The following NEK1 variants were observed in gnomAD, a reference collection of about 807,000 sequenced individuals.
NEK1 encodes the protein serine/threonine-protein kinase Nek1.
Under a neutral mutation model 182.1 loss-of-function variants are expected in NEK1, and 137 were observed. That is an observed-to-expected ratio of 0.75 (90% CI 0.65 to 0.87). The LOEUF (loss-of-function observed/expected upper bound fraction) is 0.87, where lower values mean the gene tolerates loss of function less well. NEK1 is among the 40% of genes least tolerant of loss of function. NEK1 has a pLI of 0.00. For missense variants in NEK1, 1,391 were observed against 1,494.4 expected (o/e 0.93, Z 1.14); for synonymous variants, 513 against 492.2 (o/e 1.04, Z -0.56).
At chr4:169,534,862 G>GA (rs1329423402) in intron 19 of NEK1, among the ~76,000 whole-genome samples, 10 of 152,022 alleles carry the variant, frequency 6.6e-5, no homozygotes, top group Non-Finnish European at 1.0e-4. Context: ...CTAATTAGGG[G>GA]AAAAAATCAA....
chr4:169,580,810 A>G (rs371914162), intron 11 of NEK1, 32 bp downstream of exon 11: 11 of 1,331,504 alleles, frequency 8.3e-6, no homozygotes, highest in African/African-American at 7.3e-5. Context: ...TATTGCAAAC[A>G]GATGAAAGGC....
chr4:169,495,811 T>C (rs895188348), intron 23 of NEK1, among the ~76,000 whole-genome samples: 5 of 152,192 alleles, frequency 3.3e-5, no homozygotes, highest in Admixed American at 2.0e-4. Flanking sequence ...TGTAGCCTTG[T>C]AGTATAGTTT....
At chr4:169,489,268 G>C (rs763554910) in intron 23 of NEK1, among the ~76,000 whole-genome samples, 6 of 152,136 alleles carry the variant, frequency 3.9e-5, no homozygotes, top group Non-Finnish European at 8.8e-5. Flanking sequence ...ACTATAGAGG[G>C]GCGGAGGGAG....
chr4:169,490,146 C>T (rs923685806), intron 23 of NEK1, among the ~76,000 whole-genome samples: 4 of 152,172 alleles, frequency 2.6e-5, no homozygotes, highest in Non-Finnish European at 5.9e-5. Flanking sequence ...CACACTCCTA[C>T]AGTCATGGCT....
chr4:169,502,119 T>C (rs1053760079), intron 23 of NEK1, among the ~76,000 whole-genome samples: 1 of 151,732 alleles, frequency 6.6e-6, no homozygotes, highest in South Asian at 2.1e-4. Context: ...AACATCCCCA[T>C]GTGCACATAC....
chr4:169,421,010 GA>G lies in NEK1; in HGVS notation c.3222+3542del, dbSNP rs1213331205. On this transcript the variant is annotated intron_variant, in intron 31 of 35. Coordinates refer to ENST00000507142, the MANE Select transcript of NEK1 (RefSeq NM_001199397.3). ...AAAATGTTTGGTTAAGAGCAGTAAA[GA>G]ATGTATATATACCATATAAAGATTA... Among the ~76,000 whole-genome samples, 3 of 152,256 alleles carry G rather than the reference GA, an allele frequency of 2.0e-5. No homozygotes were observed. In the East Asian group the frequency reaches 5.8e-4, roughly 29 times the overall value.
At chr4:169,590,855 A>T in intron 5 of NEK1, 46 bp from the exon 6 acceptor site, 1 of 1,224,490 alleles carries the variant, frequency 8.2e-7, no homozygotes, top group Non-Finnish European at 1.2e-6. Flanking sequence ...TGACCATTAA[A>T]AGAATTCAAG....
chr4:169,400,920 TAAA>T (rs35743529), intron 33 of NEK1, among the ~76,000 whole-genome samples: 1 of 146,460 alleles, frequency 6.8e-6, no homozygotes, highest in Non-Finnish European at 1.5e-5. Context: ...GTTACTTAAA[TAAA>T]AAAAAAAAAG....
intron 2 of NEK1, among the ~76,000 whole-genome samples, chr4:169,605,063 G>GTA (rs1291467041): frequency 1.3e-5 from 2 of 152,078 alleles, no homozygotes; most frequent in Admixed American, 6.5e-5. Context: ...ACTCATCTTA[G>GTA]TAATCTAAAT....
chr4:169,582,687 A>G (rs1041235201), intron 10 of NEK1, among the ~76,000 whole-genome samples: 3 of 152,176 alleles, frequency 2.0e-5, no homozygotes, highest in African/African-American at 7.2e-5. Flanking sequence ...GATGGGGCAT[A>G]TAGAATCCAA....
At chr4:169,551,309 A>C (rs1335506401) in intron 18 of NEK1, among the ~76,000 whole-genome samples, 5 of 152,208 alleles carry the variant, frequency 3.3e-5, no homozygotes, top group Non-Finnish European at 7.4e-5. Context: ...AAAACTTAGT[A>C]ATATTTCTTT....
intron 12 of NEK1, 99 bp from the exon 13 acceptor site, chr4:169,562,295 C>A: frequency 6.7e-6 from 5 of 741,884 alleles, no homozygotes; most frequent in Admixed American, 3.0e-5. Flanking sequence ...AAGGTAAAGT[C>A]AATACTTCCA....
At chr4:169,468,832 C>T (rs1285034847) in intron 26 of NEK1, among the ~76,000 whole-genome samples, 1 of 152,090 alleles carries the variant, frequency 6.6e-6, no homozygotes, top group East Asian at 1.9e-4. Flanking sequence ...CGACTTCTTC[C>T]TAGTTTAGTC....
intron 19 of NEK1, among the ~76,000 whole-genome samples, chr4:169,527,458 A>G (rs1294859929): frequency 1.3e-5 from 2 of 152,196 alleles, no homozygotes; most frequent in Non-Finnish European, 2.9e-5. Context: ...AAGAAAAGGT[A>G]TAACATTTCC....
At chr4:169,475,281 C>T (rs1746736402) in intron 26 of NEK1, among the ~76,000 whole-genome samples, 1 of 152,136 alleles carries the variant, frequency 6.6e-6, no homozygotes, top group African/African-American at 2.4e-5. Context: ...TTACAGAGAA[C>T]ACAAGACATG....
chr4:169,420,110 T>C (rs896610357), intron 31 of NEK1, among the ~76,000 whole-genome samples: 4 of 152,214 alleles, frequency 2.6e-5, no homozygotes, highest in African/African-American at 4.8e-5. Flanking sequence ...ACTGTAACCT[T>C]TTCACTTTAT....
At chr4:169,436,028 C>T (rs1381018907) in intron 28 of NEK1, among the ~76,000 whole-genome samples, 1 of 152,184 alleles carries the variant, frequency 6.6e-6, no homozygotes, top group Non-Finnish European at 1.5e-5. Context: ...CTCAGCCTCC[C>T]TAGCAGCTGG....
At chr4:169,494,560 G>A (rs571087048) in intron 23 of NEK1, among the ~76,000 whole-genome samples, 1 of 152,230 alleles carries the variant, frequency 6.6e-6, no homozygotes, top group South Asian at 2.1e-4. Flanking sequence ...ATAAACATAC[G>A]TGTGCTTGTG....
Position 169,437,788 on chromosome 4 carries a change from T to G in NEK1, c.2764+295A>C, listed in dbSNP as rs536022565. On this transcript the variant is annotated intron_variant, in intron 28 of 35. Transcript: ENST00000507142. ...TAGCTGCCGGCTGACCAACACTTAC[T>G]GATCTCTGAGATAAAGGCACACGAA... Among the ~76,000 whole-genome samples, 4 of 152,274 alleles carry G rather than the reference T, an allele frequency of 2.6e-5. No homozygotes were observed. The East Asian group carries it at 5.8e-4, about 22-fold the overall frequency.
Sources: allele counts gnomAD v4.1 joint callset (sites outside exome capture counted in the v4.1 genomes callset), GRCh38; gene constraint gnomAD v4.1.1; transcripts MANE v1.5; gene names NCBI Gene and HGNC (gene_info 2026-07-23, HGNC 2026-07-21).